MTCL1: variants seen among roughly 807,000 people sequenced by gnomAD.
The protein encoded by MTCL1 is microtubule crosslinking factor 1.
In MTCL1, 79 loss-of-function variants were observed where a neutral mutation model predicts 141.4. That is an observed-to-expected ratio of 0.56 (90% confidence interval 0.47 to 0.67). The LOEUF is 0.67. Ranked by LOEUF, MTCL1 falls within the 30% of genes least tolerant of loss-of-function variation. The pLI, the probability that MTCL1 is intolerant of heterozygous loss-of-function variation, is 0.00. For synonymous variants in MTCL1, 914 were observed against 875.8 expected, an observed-to-expected ratio of 1.04 and a Z score of -0.77; for missense variants, 2,177 against 2,113.9, an observed-to-expected ratio of 1.03 and a Z score of -0.59.
intron 4 of MTCL1, among the ~76,000 whole-genome samples, chr18:8,764,997 C>T (rs1207704074): frequency 3.3e-5 from 5 of 152,054 alleles, no homozygotes; most frequent in Non-Finnish European, 5.9e-5. Flanking sequence ...AAATAGTGGC[C>T]TATGTAGGTA....
chr18:8,711,508 A>T (rs1216957013), intron 1 of MTCL1, among the ~76,000 whole-genome samples: 1 of 141,802 alleles, frequency 7.1e-6, no homozygotes, highest in Admixed American at 7.2e-5. Flanking sequence ...TCCCACCAAC[A>T]GTGTAAAAGT....
At position 8,811,519 on chromosome 18, in the gene MTCL1, T is replaced by TTACATA. The variant is rs200801056; in HGVS notation, c.2605-1458_2605-1457insCATATA. Among the ~76,000 whole-genome samples, 40 of 149,642 alleles carry TTACATA rather than the reference T, an allele frequency of 2.7e-4. No individual in the cohort carries two copies. The East Asian group carries it at 5.2e-3, about 19-fold the overall frequency. On this transcript the variant is annotated intron_variant, in intron 11 of 16. Transcript: ENST00000359865. The stretch of plus-strand genomic sequence containing the variant: ...ACTGGGTGGTTTAAGTCATTAATCT[T>TTACATA]TATATATATATACATATATATATCT...
chr18:8,760,276 T>C (rs2096424679), intron 4 of MTCL1, among the ~76,000 whole-genome samples: 1 of 152,184 alleles, frequency 6.6e-6, no homozygotes, highest in African/African-American at 2.4e-5. Flanking sequence ...ATCCTGGCCG[T>C]GTGGTGGGCA....
exon 3 of MTCL1, chr18:8,718,517 C>A: frequency 6.2e-7 from 1 of 1,614,200 alleles, no homozygotes; most frequent in Non-Finnish European, 8.5e-7. Context: ...TCGGCGAGAA[C>A]TGGACCGCGC....
chr18:8,755,005 T>C (rs1195309279), intron 4 of MTCL1, among the ~76,000 whole-genome samples: 5 of 152,200 alleles, frequency 3.3e-5, no homozygotes, highest in Admixed American at 3.3e-4. Flanking sequence ...CTTGAATCAC[T>C]GATAATATCT....
intron 4 of MTCL1, among the ~76,000 whole-genome samples, chr18:8,735,610 G>A (rs2096271185): frequency 6.6e-6 from 1 of 152,138 alleles, no homozygotes; most frequent in East Asian, 1.9e-4. Context: ...GGCTTACTCT[G>A]TGCATTACTT....
chr18:8,796,388 G>A lies in MTCL1; in HGVS notation c.2167G>A (p.Val723Ile), dbSNP rs753175340. The A allele has an allele frequency of 2.2e-5, 36 of 1,614,170 alleles. No homozygotes were observed. In the South Asian group the frequency reaches 3.0e-4, roughly 13 times the overall value. Residue 723 changes from valine (V) to isoleucine (I), a missense_variant, in exon 9 of 17, where the codon GTC becomes ATC. Physicochemically the swap from Val to Ile is conservative, Grantham distance 29. Transcript: ENST00000359865. ...GAAGCAGAACATTTTCCTCTTCTACGTCAAACTCAGGTGGCTGCTGAAACA... is the reference window on the plus strand; with the variant it reads ...GAAGCAGAACATTTTCCTCTTCTACATCAAACTCAGGTGGCTGCTGAAACA...
intron 7 of MTCL1, among the ~76,000 whole-genome samples, chr18:8,787,510 C>T (rs1176853307): frequency 1.3e-5 from 2 of 152,268 alleles, no homozygotes; most frequent in African/African-American, 4.8e-5. Context: ...TCTGCACTGA[C>T]CCCTGGGTGT....
chr18:8,719,143 G>A (rs2096151067), intron 3 of MTCL1, among the ~76,000 whole-genome samples: 1 of 152,148 alleles, frequency 6.6e-6, no homozygotes, highest in Non-Finnish European at 1.5e-5. Flanking sequence ...ATTGTCTGAG[G>A]TGTCTTTGAG....
intron 15 of MTCL1, 34 bp downstream of exon 14, chr18:8,826,266 A>C: frequency 6.7e-7 from 1 of 1,498,282 alleles, no homozygotes; most frequent in Non-Finnish European, 9.0e-7. Flanking sequence ...ACCCTTCCCC[A>C]CCAGCTCTTC....
chr18:8,790,267 TA>T (rs369891919), intron 7 of MTCL1, among the ~76,000 whole-genome samples: 31 of 152,364 alleles, frequency 2.0e-4, no homozygotes, highest in African/African-American at 7.5e-4. Flanking sequence ...TATTATTTAT[TA>T]AAATTAAAAC....
chr18:8,798,229 G>C (rs1266910422), exon 10 of MTCL1: 5 of 1,593,374 alleles, frequency 3.1e-6, no homozygotes, highest in Admixed American at 1.8e-5. Context: ...ACACTCCCGG[G>C]TGCAGATTGG....
At chr18:8,745,298 T>C (rs988255622) in intron 4 of MTCL1, among the ~76,000 whole-genome samples, 3 of 152,334 alleles carry the variant, frequency 2.0e-5, no homozygotes, top group East Asian at 3.9e-4. Context: ...TTTTTCTTGC[T>C]CTCCTTTACA....
At chr18:8,745,685 T>C (rs1373260819) in intron 4 of MTCL1, among the ~76,000 whole-genome samples, 1 of 152,236 alleles carries the variant, frequency 6.6e-6, no homozygotes, top group East Asian at 1.9e-4. Flanking sequence ...TGCAGGGCCA[T>C]AGGATGTGCA....
intron 4 of MTCL1, among the ~76,000 whole-genome samples, chr18:8,777,524 C>G (rs144712206): frequency 6.6e-6 from 1 of 152,200 alleles, no homozygotes; most frequent in Admixed American, 6.5e-5. Context: ...CTTCTCTGCA[C>G]TGTTAAAGTT....
At chr18:8,796,488 A>T in intron 9 of MTCL1, 26 bp downstream of exon 8, 1 of 1,610,720 alleles carries the variant, frequency 6.2e-7, no homozygotes, top group Non-Finnish European at 8.5e-7. Context: ...AATTCCTTTT[A>T]TTTGCATCTG....
intron 8 of MTCL1, among the ~76,000 whole-genome samples, 178 bp downstream of exon 7, chr18:8,793,298 ACT>A (rs1439846376): frequency 9.2e-5 from 14 of 151,908 alleles, no homozygotes; most frequent in Admixed American, 8.5e-4. Context: ...CCTAAAGATA[ACT>A]CTGCTTTTCT....
exon 15 of MTCL1, chr18:8,825,270 C>T (rs1368661266): frequency 1.3e-6 from 2 of 1,572,812 alleles, no homozygotes; most frequent in African/African-American, 1.4e-5. Flanking sequence ...GGAGGGGGCA[C>T]GGCGCCCCCT....
chr18:8,718,693 C>T, intron 3 of MTCL1, 45 bp downstream of exon 2: 4 of 1,580,082 alleles, frequency 2.5e-6, no homozygotes, highest in Non-Finnish European at 3.5e-6. Context: ...CTGCTGTGGA[C>T]CGGCTGGCCA....
Sources: gnomAD v4.1 joint callset for allele counts (sites outside exome capture counted in the v4.1 genomes callset) on GRCh38, gnomAD v4.1.1 for gene constraint, MANE v1.5 for transcripts, NCBI Gene and HGNC (gene_info 2026-07-23, HGNC 2026-07-21) for gene names.